DNAH9: variants seen among roughly 807,000 people sequenced by gnomAD.
DNAH9 encodes dynein axonemal heavy chain 9.
Under a neutral mutation model 471.6 loss-of-function variants are expected in DNAH9, and 345 were observed. The observed-to-expected ratio is 0.73, with a 90% CI of 0.67 to 0.80. DNAH9 has a LOEUF of 0.80. Ranked by LOEUF, DNAH9 falls within the 30% of genes least tolerant of loss-of-function variation. DNAH9 has a pLI of 0.00. For synonymous variants in DNAH9, 2,093 were observed against 2,123.6 expected (o/e 0.99, Z 0.40); for missense variants, 5,407 against 5,609.2 (o/e 0.96, Z 1.15).
At chr17:11,653,070 T>A in intron 14 of DNAH9, 68 bp downstream of exon 14, 1 of 1,533,576 alleles carries the variant, frequency 6.5e-7, no homozygotes, top group Non-Finnish European at 8.9e-7. Context: ...TGTGTTTGGA[T>A]GAATAAGTGA....
intron 50 of DNAH9, among the ~76,000 whole-genome samples, 191 bp from the exon 51 acceptor site, chr17:11,868,943 G>T (rs965775416): frequency 6.6e-5 from 10 of 152,106 alleles, no homozygotes; most frequent in Non-Finnish European, 1.3e-4. Context: ...TGAAGTCCTT[G>T]CTAGGACCCG....
intron 56 of DNAH9, among the ~76,000 whole-genome samples, chr17:11,885,277 G>A (rs904738650): frequency 1.3e-5 from 2 of 152,222 alleles, no homozygotes; most frequent in Non-Finnish European, 2.9e-5. Context: ...CCCACATTGG[G>A]TGAGAGGGAG....
At chr17:11,762,770 G>GTTTTTTGT (rs1967748334) in intron 35 of DNAH9, among the ~76,000 whole-genome samples, 4 of 90,794 alleles carry the variant, frequency 4.4e-5, no homozygotes, top group Admixed American at 1.4e-4. Context: ...TTTTTTTTTT[G>GTTTTTTGT]TTTTTTTTTT....
chr17:11,664,482 C>G (rs1302234745), intron 14 of DNAH9, among the ~76,000 whole-genome samples: 1 of 152,178 alleles, frequency 6.6e-6, no homozygotes, highest in Admixed American at 6.5e-5. Flanking sequence ...GAATTCCTTC[C>G]TCTGCCTACC....
At chr17:11,833,899 G>A (rs1479092190) in intron 48 of DNAH9, among the ~76,000 whole-genome samples, 1 of 152,142 alleles carries the variant, frequency 6.6e-6, no homozygotes, top group Non-Finnish European at 1.5e-5. Context: ...CTCCACACTG[G>A]CTACTTTTAA....
chr17:11,933,865 TC>T lies in DNAH9; in HGVS notation c.12298-10del, dbSNP rs1279980785. 6.2e-7 allele frequency: 1 copy of T among 1,600,328 alleles called. No homozygotes were observed. Among genetic ancestry groups the T allele is most frequent in the African/African-American group, 1.3e-5 (1 of 74,436 alleles). On this transcript the variant is annotated splice_polypyrimidine_tract_variant and intron_variant, in intron 64 of 68. Transcript: ENST00000262442. ...GTCTTTCTTCCTTCCTCTCTTTCTTTCCCCCATCACTCAGGTCCCCTATGAT... is the reference window on the plus strand; with the variant it reads ...GTCTTTCTTCCTTCCTCTCTTTCTTTCCCCATCACTCAGGTCCCCTATGAT...
chr17:11,874,116 G>A (rs541781238), intron 52 of DNAH9, among the ~76,000 whole-genome samples: 8 of 151,924 alleles, frequency 5.3e-5, no homozygotes, highest in South Asian at 2.1e-4. Context: ...GTGGTGGCAG[G>A]CACCTGTAAT....
chr17:11,674,335 G>A (rs771724582), intron 17 of DNAH9, among the ~76,000 whole-genome samples: 1 of 152,172 alleles, frequency 6.6e-6, no homozygotes, highest in Non-Finnish European at 1.5e-5. Flanking sequence ...AGCTCTTACA[G>A]CCTAGCATCC....
intron 4 of DNAH9, among the ~76,000 whole-genome samples, chr17:11,616,779 T>C (rs766197934): frequency 2.0e-5 from 3 of 152,220 alleles, no homozygotes; most frequent in Non-Finnish European, 4.4e-5. Context: ...TAGGTGGGAA[T>C]TGAACAATGG....
chr17:11,745,170 G>T lies in DNAH9; in HGVS notation c.6399+86G>T, dbSNP rs1202782068. 5.0e-6 allele frequency: 6 copies of T among 1,190,378 alleles called. No homozygotes were observed. In the Admixed American group the frequency reaches 6.5e-5, roughly 13 times the overall value. The allele number at this position is 1,190,378 out of a possible 1,614,324, so 73.7% of individuals were successfully genotyped here. ...GTTATCCTTCATCCATAATCCAAAG[G>T]GTTGTTTTAGATGTACAAATATGTA... On this transcript the variant is annotated intron_variant, in intron 31 of 68. Transcript: ENST00000262442.
In DNAH9 at chr17:11,608,196, T is replaced by C; in HGVS notation, c.485T>C (p.Val162Ala). 1 of 1,613,990 alleles carries C rather than the reference T, an allele frequency of 6.2e-7. No individual in the cohort carries two copies. The highest frequency in any genetic ancestry group is 1.1e-5 in the South Asian group (1 of 91,070). ...TGGCCCCACATGATATGTGAGGATGTCAGGCGGCACGCCCACAGCCTCCAA... is the reference window on the plus strand; with the variant it reads ...TGGCCCCACATGATATGTGAGGATGCCAGGCGGCACGCCCACAGCCTCCAA... ...LNWPHMICED[V>A]RRHAHSLQCD... Residue 162 changes from valine (V) to alanine (A), a missense_variant, in exon 2 of 69, where the codon GTC becomes GCC. By Grantham distance (64) the Val-to-Ala change is moderately conservative. Coordinates refer to ENST00000262442, the MANE Select transcript of DNAH9 (RefSeq NM_001372.4).
chr17:11,942,661 A>G (rs1017041901), intron 67 of DNAH9, among the ~76,000 whole-genome samples, 176 bp downstream of exon 67: 6 of 152,222 alleles, frequency 3.9e-5, no homozygotes, highest in Non-Finnish European at 7.3e-5. Context: ...GAGGTTGTCT[A>G]CAAGAACCAA....
chr17:11,747,868 G>A, intron 32 of DNAH9, 102 bp downstream of exon 32: 1 of 1,097,426 alleles, frequency 9.1e-7, no homozygotes, highest in Non-Finnish European at 1.4e-6. Flanking sequence ...ACATTGGACT[G>A]ATCTGTTTGG....
At chr17:11,614,832 A>G (rs1329497348) in intron 4 of DNAH9, among the ~76,000 whole-genome samples, 2 of 152,220 alleles carry the variant, frequency 1.3e-5, no homozygotes, top group Non-Finnish European at 2.9e-5. Context: ...CCTTAATCCC[A>G]TTCATGAGGG....
intron 43 of DNAH9, among the ~76,000 whole-genome samples, chr17:11,803,608 C>T (rs1190375742): frequency 1.3e-5 from 2 of 152,234 alleles, no homozygotes; most frequent in East Asian, 3.8e-4. Context: ...TCTTTGCCCT[C>T]ATCAGAGGTT....
chr17:11,621,150 CT>C (rs1157925000), intron 6 of DNAH9, among the ~76,000 whole-genome samples: 2 of 152,060 alleles, frequency 1.3e-5, no homozygotes, highest in African/African-American at 4.8e-5. Flanking sequence ...TGGCTCTCCC[CT>C]GTAATCCCAG....
At chr17:11,761,405 G>A (rs947838696) in intron 35 of DNAH9, among the ~76,000 whole-genome samples, 2 of 152,142 alleles carry the variant, frequency 1.3e-5, no homozygotes, top group African/African-American at 4.8e-5. Flanking sequence ...GGGGAAATCC[G>A]ACTTCTCTTT....
intron 59 of DNAH9, among the ~76,000 whole-genome samples, chr17:11,896,154 T>C (rs1017271826): frequency 6.6e-6 from 1 of 152,204 alleles, no homozygotes; most frequent in Non-Finnish European, 1.5e-5. Context: ...ACCAGTTATA[T>C]TGGTTAGGGC....
chr17:11,883,541 G>A lies in DNAH9; in HGVS notation c.10807-45G>A, dbSNP rs569711684. 3.9e-4 allele frequency: 620 copies of A among 1,605,976 alleles called. 3 individuals are homozygous for A. The South Asian group carries it at 6.6e-3, about 17-fold the overall frequency. On this transcript the variant is annotated intron_variant, in intron 55 of 68. Transcript: ENST00000262442. ...TTCAGACACATCCTTAGAGCAGGATGCCCTGGGCATCTGCACCTGACTGTC... is the reference window on the plus strand; with the variant it reads ...TTCAGACACATCCTTAGAGCAGGATACCCTGGGCATCTGCACCTGACTGTC...
Sources: gnomAD v4.1 joint callset for allele counts (sites outside exome capture counted in the v4.1 genomes callset) on GRCh38, gnomAD v4.1.1 for gene constraint, MANE v1.5 for transcripts, NCBI Gene and HGNC (gene_info 2026-07-23, HGNC 2026-07-21) for gene names.